Variants in PLAAT2 observed in about 807,000 individuals in gnomAD.
The protein encoded by PLAAT2 is phospholipase A and acyltransferase 2, also known as HRAS like suppressor 2.
PLAAT2 carries 12 observed loss-of-function variants against 12.8 expected under a neutral mutation model. The ratio of observed to expected loss-of-function variants is 0.94; its 90% CI spans 0.60 to 1.52. The LOEUF (loss-of-function observed/expected upper bound fraction) is 1.52, where lower values mean the gene tolerates loss of function less well. PLAAT2 is among the 40% of genes most tolerant of loss of function. The pLI, the probability that PLAAT2 is intolerant of heterozygous loss-of-function variation, is 0.00. For synonymous variants in PLAAT2, 79 were observed against 86.8 expected (o/e 0.91, Z 0.50); for missense variants, 166 against 208.1 (o/e 0.80, Z 1.24).
chr11:63,561,644 CAAAAAAAAAAAAAA>C (rs61140464), intron 1 of PLAAT2, among the ~76,000 whole-genome samples: 3 of 35,998 alleles, frequency 8.3e-5, no homozygotes, highest in Admixed American at 4.7e-4. Flanking sequence ...GACTCCATCA[CAAAAAAAAAAAAAA>C]AAAAAAAAAA....
upstream of PLAAT2, among the ~76,000 whole-genome samples, chr11:63,563,733 A>T: frequency 6.6e-6 from 1 of 151,748 alleles, no homozygotes; most frequent in East Asian, 1.9e-4. Context: ...AAAAAAAAAA[A>T]AAAACAGAAC....
At chr11:63,556,465 G>T (rs1186858782) in intron 3 of PLAAT2, among the ~76,000 whole-genome samples, 1 of 152,014 alleles carries the variant, frequency 6.6e-6, no homozygotes, top group Non-Finnish European at 1.5e-5. Flanking sequence ...TGATAAGGCA[G>T]CCCACCCCCA....
chr11:63,562,481 A>G (rs533752530), intron 1 of PLAAT2, among the ~76,000 whole-genome samples: 8 of 152,192 alleles, frequency 5.3e-5, no homozygotes, highest in Non-Finnish European at 1.0e-4. Flanking sequence ...GGTTTTTCAG[A>G]CAAAGTGAAT....
At chr11:63,560,799 G>A (rs556196708) in intron 1 of PLAAT2, among the ~76,000 whole-genome samples, 1 of 152,248 alleles carries the variant, frequency 6.6e-6, no homozygotes, top group Non-Finnish European at 1.5e-5. Flanking sequence ...AGGGCTGAAT[G>A]TTTCCAACAT....
chr11:63,556,443 C>A (rs2017467427), intron 3 of PLAAT2, among the ~76,000 whole-genome samples: 1 of 152,094 alleles, frequency 6.6e-6, no homozygotes, highest in African/African-American at 2.4e-5. Flanking sequence ...TATAGAAGAG[C>A]TTTTAGATGT....
chr11:63,563,417 T>C (rs1460725909), upstream of PLAAT2: 5 of 1,534,458 alleles, frequency 3.3e-6, no homozygotes, highest in African/African-American at 2.7e-5. Flanking sequence ...CCAGCCCATA[T>C]ACAACTATTT....
Position 63,561,897 on chromosome 11 carries a change from A to G in PLAAT2, c.9+1419T>C, listed in dbSNP as rs115730462. Among the ~76,000 whole-genome samples the G allele has an allele frequency of 8.3e-3, 1,270 of 152,286 alleles. 17 individuals carry two copies. Among genetic ancestry groups the G allele is most frequent in the African/African-American group, 0.029 (1,224 of 41,536 alleles). On this transcript the variant is annotated intron_variant, in intron 1 of 3. Coordinates refer to ENST00000255695, the MANE Select transcript of PLAAT2 (RefSeq NM_017878.2). ...AAAATAATAAAAATAACTGTACACA[A>G]ACTGAAACACATCAAATATGTTAAA...
chr11:63,554,538 G>C (rs1424337294), intron 3 of PLAAT2, among the ~76,000 whole-genome samples: 1 of 151,194 alleles, frequency 6.6e-6, no homozygotes, highest in Non-Finnish European at 1.5e-5. Context: ...TGAGGCAGGA[G>C]AATTGCTTGA....
chr11:63,562,174 G>A (rs534186597), intron 1 of PLAAT2, among the ~76,000 whole-genome samples: 10 of 152,316 alleles, frequency 6.6e-5, no homozygotes, highest in Admixed American at 2.0e-4. Context: ...GTTGTACAGA[G>A]GGGAAAGGCT....
chr11:63,552,898 C>T lies in PLAAT2; in HGVS notation c.*66G>A. 1 of 1,073,732 alleles carries T rather than the reference C, an allele frequency of 9.3e-7. No individual in the cohort carries two copies. The highest frequency in any genetic ancestry group is 1.4e-6 in the Non-Finnish European group (1 of 693,262). 66.5% of individuals were successfully genotyped at this position (1,073,732 alleles called of 1,614,324 possible). On this transcript the variant is annotated 3_prime_UTR_variant, in exon 4 of 4. Coordinates refer to ENST00000255695, the MANE Select transcript of PLAAT2 (RefSeq NM_017878.2). ...AACAGTAAAATCAGTAAACCAAACT[C>T]CACTCCTGCTGGCTAAATAATATTC...
intron 2 of PLAAT2, 110 bp from the exon 3 acceptor site, chr11:63,558,770 C>T: frequency 3.1e-6 from 4 of 1,302,878 alleles, no homozygotes; most frequent in East Asian, 2.3e-5. Flanking sequence ...TGTGGAAGGA[C>T]TTGTCCATCC....
chr11:63,554,260 T>TGC (rs1023967596), intron 3 of PLAAT2, among the ~76,000 whole-genome samples: 8 of 152,094 alleles, frequency 5.3e-5, no homozygotes, highest in Non-Finnish European at 1.2e-4. Context: ...TTTTTTAATC[T>TGC]GCCTGACAAC....
At chr11:63,557,994 C>A (rs989390968) in intron 3 of PLAAT2, among the ~76,000 whole-genome samples, 2 of 152,278 alleles carry the variant, frequency 1.3e-5, no homozygotes, top group Admixed American at 1.3e-4. Context: ...GTTTAACTCC[C>A]CCGCTCTTCA....
At chr11:63,563,750 C>T (rs1367832707), upstream of PLAAT2, among the ~76,000 whole-genome samples, 3 of 145,368 alleles carry the variant, frequency 2.1e-5, no homozygotes. Context: ...GAACATAGAT[C>T]AAGGTTCATG....
chr11:63,559,127 C>A (rs142228651), intron 2 of PLAAT2, among the ~76,000 whole-genome samples: 5 of 152,260 alleles, frequency 3.3e-5, no homozygotes, highest in Admixed American at 6.5e-5. Flanking sequence ...TGCTAAAACT[C>A]CTGTCTCTAA....
At chr11:63,562,057 G>T (rs955744478) in intron 1 of PLAAT2, among the ~76,000 whole-genome samples, 3 of 152,104 alleles carry the variant, frequency 2.0e-5, no homozygotes, top group African/African-American at 7.2e-5. Context: ...TGTCCTCACG[G>T]AATGCAATTT....
chr11:63,552,969 G>C lies in PLAAT2; in HGVS notation c.484C>G (p.Gln162Glu), dbSNP rs762623655. The change falls in exon 4 of 4, where the codon CAA becomes GAA. Residue 162 changes from glutamine to glutamate, a missense_variant. Transcript: ENST00000255695. Reference sequence around the variant, plus strand: ...GTTGGGACAATTTCTTGGATTTATTGCCTTTCCCGCTTGCTTCTGGCCAGC... The same window carrying C: ...GTTGGGACAATTTCTTGGATTTATTCCCTTTCCCGCTTGCTTCTGGCCAGC... ...ILLARSKRER[Q>E] The C allele has an allele frequency of 9.6e-5, 154 of 1,610,714 alleles. No individual in the cohort carries two copies. The highest frequency in any genetic ancestry group is 6.9e-5 in the Non-Finnish European group (81 of 1,177,162).
chr11:63,563,510 A>C, upstream of PLAAT2: 1 of 612,836 alleles, frequency 1.6e-6, no homozygotes, highest in East Asian at 3.0e-5. Context: ...CAAGGTCAGG[A>C]GATCGAGACC....
At chr11:63,563,848 G>T (rs2017541653), upstream of PLAAT2, among the ~76,000 whole-genome samples, 1 of 151,978 alleles carries the variant, frequency 6.6e-6, no homozygotes, top group South Asian at 2.1e-4. Context: ...AGAGGAATCA[G>T]AGCTCAGGAT....
Sources: gnomAD v4.1 joint callset for allele counts (sites outside exome capture counted in the v4.1 genomes callset) on GRCh38, gnomAD v4.1.1 for gene constraint, MANE v1.5 for transcripts, NCBI Gene and HGNC (gene_info 2026-07-23, HGNC 2026-07-21) for gene names.